RBFOX1: variants seen among roughly 807,000 people sequenced by gnomAD.
The protein encoded by RBFOX1 is RNA binding protein fox-1 homolog 1.
In RBFOX1, 8 loss-of-function variants were observed where a neutral mutation model predicts 57.7. The observed-to-expected ratio is 0.14, with a 90% CI of 0.08 to 0.25. The LOEUF is 0.25. RBFOX1 is among the 10% of genes least tolerant of loss of function. The pLI is 1.00. For missense variants in RBFOX1, 611 were observed against 548.5 expected, an observed-to-expected ratio of 1.11 and a Z score of -1.14; for synonymous variants, 326 against 222.4, an observed-to-expected ratio of 1.47 and a Z score of -4.15.
intron 1 of RBFOX1, among the ~76,000 whole-genome samples, chr16:6,101,121 G>A (rs1025543225): frequency 6.6e-6 from 1 of 152,160 alleles, no homozygotes; most frequent in Non-Finnish European, 1.5e-5. Flanking sequence ...TCTGTAAAAT[G>A]GGTATAATAC....
chr16:7,165,318 TG>T (rs1222702825), intron 4 of RBFOX1, among the ~76,000 whole-genome samples: 2 of 151,124 alleles, frequency 1.3e-5, no homozygotes, highest in East Asian at 3.9e-4. Context: ...CACCCTGGAA[TG>T]GGCTGTGCCC....
chr16:5,632,646 GTTTA>G (rs1596522763), intron 3 of RBFOX1: 1 of 152,168 alleles, frequency 6.6e-6, no homozygotes, highest in African/African-American at 2.4e-5. Flanking sequence ...GCCCAACTAT[GTTTA>G]TTTGTCTTTT....
chr16:6,038,546 A>G (rs2095397950), intron 1 of RBFOX1: 1 of 142,488 alleles, frequency 7.0e-6, no homozygotes, highest in African/African-American at 2.6e-5. Context: ...ATATATATAT[A>G]TATATCATCC....
At chr16:6,262,940 G>A (rs1312985034) in intron 1 of RBFOX1, among the ~76,000 whole-genome samples, 6 of 152,144 alleles carry the variant, frequency 3.9e-5, no homozygotes, top group East Asian at 3.9e-4. Context: ...CACTGAGGCC[G>A]GGAGAGGGCC....
At chr16:6,374,961 G>C (rs896329413) in intron 2 of RBFOX1, among the ~76,000 whole-genome samples, 1 of 152,194 alleles carries the variant, frequency 6.6e-6, no homozygotes, top group Non-Finnish European at 1.5e-5. Flanking sequence ...ATTCGCCTGA[G>C]GAAGTGTGAA....
intron 2 of RBFOX1, among the ~76,000 whole-genome samples, chr16:6,523,766 A>C (rs144695488): frequency 6.6e-6 from 1 of 152,184 alleles, no homozygotes; most frequent in Non-Finnish European, 1.5e-5. Flanking sequence ...AAAAGCGACT[A>C]TTACATCCTC....
At chr16:6,775,164 A>T (rs2079095360) in intron 3 of RBFOX1, among the ~76,000 whole-genome samples, 1 of 142,486 alleles carries the variant, frequency 7.0e-6, no homozygotes, top group African/African-American at 2.8e-5. Flanking sequence ...TCTCTACTAA[A>T]AGTACAAAAA....
At chr16:5,883,374 C>G in intron 4 of RBFOX1, among the ~76,000 whole-genome samples, 1 of 152,110 alleles carries the variant, frequency 6.6e-6, no homozygotes, top group East Asian at 1.9e-4. Flanking sequence ...CAATCCTATT[C>G]CTCATAATAC....
chr16:7,362,618 G>T (rs955852263), intron 4 of RBFOX1, among the ~76,000 whole-genome samples: 3 of 151,686 alleles, frequency 2.0e-5, no homozygotes, highest in African/African-American at 7.3e-5. Context: ...TATGTTTTGC[G>T]TGTAGTATGT....
intron 3 of RBFOX1, among the ~76,000 whole-genome samples, chr16:5,662,392 A>G (rs2049684397): frequency 6.6e-6 from 1 of 152,158 alleles, no homozygotes; most frequent in Non-Finnish European, 1.5e-5. Flanking sequence ...TGACCACATA[A>G]TCTATTATGT....
At chr16:6,749,950 A>G (rs1304391943) in intron 3 of RBFOX1, among the ~76,000 whole-genome samples, 1 of 152,202 alleles carries the variant, frequency 6.6e-6, no homozygotes, top group Non-Finnish European at 1.5e-5. Context: ...GTTCAGAGTT[A>G]GTAGGCACAC....
At chr16:7,378,188 A>G (rs757353593) in intron 4 of RBFOX1, among the ~76,000 whole-genome samples, 5 of 152,116 alleles carry the variant, frequency 3.3e-5, no homozygotes, top group African/African-American at 4.8e-5. Flanking sequence ...GCTGAGCCGG[A>G]AGTTGTTATG....
rs1393758795 is a variant in RBFOX1 at position 7,029,161 on chromosome 16, C to T, written c.-15-22896C>T. Among the ~76,000 whole-genome samples the T allele has an allele frequency of 6.5e-5, 5 of 76,898 alleles. 1 individual carries two copies. The Admixed American group carries it at 7.6e-4, about 12-fold the overall frequency. The allele number at this position is 76,898 out of a possible 152,430, so 50.4% of individuals were successfully genotyped here. A position where few individuals can be genotyped will look rare whatever the true frequency, so the allele number is the denominator to read the frequency against. ...ATATGTGTATATATGTATATATATA[C>T]ACATATATATACGTATACGTGTATA... On this transcript the variant is annotated intron_variant, in intron 3 of 15. Coordinates refer to ENST00000550418, the MANE Select transcript of RBFOX1 (RefSeq NM_018723.4).
intron 4 of RBFOX1, among the ~76,000 whole-genome samples, chr16:7,132,433 GAC>G (rs36226659): frequency 0.057 from 8,252 of 144,562 alleles, 261 homozygotes; most frequent in Non-Finnish European, 0.075. Context: ...GTGATACACA[GAC>G]ACACACACAC....
At chr16:7,208,662 C>T (rs1475643308) in intron 4 of RBFOX1, among the ~76,000 whole-genome samples, 2 of 152,094 alleles carry the variant, frequency 1.3e-5, no homozygotes, top group East Asian at 1.9e-4. Context: ...ATAGCAAGAC[C>T]GTATCTCAAC....
intron 3 of RBFOX1, among the ~76,000 whole-genome samples, chr16:6,754,231 G>A (rs970190874): frequency 1.3e-5 from 2 of 152,138 alleles, no homozygotes; most frequent in African/African-American, 2.4e-5. Context: ...GGGTTCAAAT[G>A]ACAATGTTCA....
Position 5,430,189 on chromosome 16 carries a change from G to T in RBFOX1, c.220-37027G>T, listed in dbSNP as rs553449718. ...CTTCATGGACGGACCAGCCAGGAAG[G>T]TCGATGGCAAGCAGATAATGACACA... On this transcript the variant is annotated intron_variant, in intron 1 of 2. Transcript: ENST00000585867. Among the ~76,000 whole-genome samples the T allele has an allele frequency of 9.9e-4, 151 of 152,274 alleles. 1 individual carries two copies. Among genetic ancestry groups the T allele is most frequent in the Middle Eastern group, 3.4e-3 (1 of 294 alleles).
At chr16:6,195,783 G>T (rs1449456547) in intron 1 of RBFOX1, among the ~76,000 whole-genome samples, 1 of 151,980 alleles carries the variant, frequency 6.6e-6, no homozygotes, top group South Asian at 2.1e-4. Flanking sequence ...GTCATGGGGT[G>T]AGCAGGGATG....
At chr16:6,907,637 C>G (rs528105763) in intron 3 of RBFOX1, among the ~76,000 whole-genome samples, 31 of 152,148 alleles carry the variant, frequency 2.0e-4, no homozygotes, top group Admixed American at 6.5e-4. Flanking sequence ...GTGGCACGAT[C>G]TTGGCTCACT....
Sources: allele counts gnomAD v4.1 joint callset (sites outside exome capture counted in the v4.1 genomes callset), GRCh38; gene constraint gnomAD v4.1.1; transcripts MANE v1.5; gene names NCBI Gene and HGNC (gene_info 2026-07-23, HGNC 2026-07-21).